Variants in CPM observed in about 807,000 individuals in gnomAD.
CPM encodes the protein renal carboxypeptidase.
CPM carries 35 observed loss-of-function variants against 46.4 expected under a neutral mutation model. The ratio of observed to expected loss-of-function variants is 0.75; its 90% CI spans 0.58 to 1.00. The LOEUF (loss-of-function observed/expected upper bound fraction) is 1.00, where lower values mean the gene tolerates loss of function less well. CPM is among the 50% of genes least tolerant of loss of function. CPM has a pLI of 0.00. For synonymous variants in CPM, 195 were observed against 195.3 expected (o/e 1.00, Z 0.01); for missense variants, 422 against 530.4 (o/e 0.80, Z 2.01).
intron 2 of CPM, 106 bp from the exon 3 acceptor site, chr12:68,885,995 C>T: frequency 5.7e-6 from 5 of 873,956 alleles, no homozygotes; most frequent in South Asian, 1.6e-5. Flanking sequence ...CACTTGATCG[C>T]CTGTTTCATG....
upstream of CPM, among the ~76,000 whole-genome samples, chr12:68,936,074 G>C (rs147266229): frequency 6.6e-6 from 1 of 152,094 alleles, no homozygotes; most frequent in African/African-American, 2.4e-5. Context: ...ATGGAGGTAG[G>C]GGGTACAGAG....
intron 2 of CPM, among the ~76,000 whole-genome samples, chr12:68,909,045 T>A (rs189793643): frequency 2.0e-5 from 3 of 152,296 alleles, no homozygotes; most frequent in African/African-American, 7.2e-5. Context: ...TCATTCTGAT[T>A]TTCAATCATG....
chr12:68,883,076 ATTCTG>A (rs1409521806), intron 3 of CPM, among the ~76,000 whole-genome samples: 3 of 152,190 alleles, frequency 2.0e-5, no homozygotes, highest in African/African-American at 7.2e-5. Context: ...AGTGTGGCCA[ATTCTG>A]TCCACCCTGC....
intron 2 of CPM, among the ~76,000 whole-genome samples, chr12:68,889,338 A>G (rs964504127): frequency 6.6e-6 from 1 of 152,200 alleles, no homozygotes; most frequent in Non-Finnish European, 1.5e-5. Flanking sequence ...TATTCAATCA[A>G]TTCTCTATTG....
intron 2 of CPM, among the ~76,000 whole-genome samples, chr12:68,906,392 A>T (rs571445924): frequency 1.3e-5 from 2 of 152,240 alleles, no homozygotes; most frequent in Non-Finnish European, 2.9e-5. Flanking sequence ...CTTCAGTGAA[A>T]TAACAATATA....
chr12:68,913,231 T>C (rs954428304), intron 2 of CPM, among the ~76,000 whole-genome samples: 3 of 152,192 alleles, frequency 2.0e-5, no homozygotes, highest in Non-Finnish European at 2.9e-5. Flanking sequence ...TTCTGCCCCC[T>C]ACTGTCCCCT....
intron 6 of CPM, among the ~76,000 whole-genome samples, chr12:68,867,913 G>C (rs574767701): frequency 6.6e-6 from 1 of 152,226 alleles, no homozygotes; most frequent in African/African-American, 2.4e-5. Flanking sequence ...CAAGCGTGGA[G>C]GGGGCAGTTC....
intron 2 of CPM, among the ~76,000 whole-genome samples, chr12:68,897,635 G>T (rs186989839): frequency 7.9e-5 from 12 of 151,782 alleles, no homozygotes; most frequent in Admixed American, 5.9e-4. Context: ...TACTCAGGAG[G>T]CTTGGGCAGG....
At chr12:68,842,369 C>T (rs1468469568) in intron 5 of CPM, 6 of 494,868 alleles carry the variant, frequency 1.2e-5, no homozygotes, top group South Asian at 7.7e-5. Context: ...AGGATGCAGA[C>T]ATGGCAGAGG....
At chr12:68,915,390 CA>C (rs1259925034) in intron 2 of CPM, among the ~76,000 whole-genome samples, 1 of 152,180 alleles carries the variant, frequency 6.6e-6, no homozygotes, top group Non-Finnish European at 1.5e-5. Context: ...CTTCTTGCAG[CA>C]CAGTCCCACC....
intron 2 of CPM, among the ~76,000 whole-genome samples, chr12:68,925,072 C>T (rs1470999146): frequency 6.6e-6 from 1 of 152,152 alleles, no homozygotes; most frequent in Non-Finnish European, 1.5e-5. Context: ...ATACTTACAA[C>T]ATAACAATGA....
At position 68,854,979 on chromosome 12, in the gene CPM, C is replaced by T. The variant is rs1314529521; in HGVS notation, c.*1458G>A. On this transcript the variant is annotated 3_prime_UTR_variant, in exon 9 of 9. Coordinates refer to ENST00000551568, the MANE Select transcript of CPM (RefSeq NM_198320.5). ...TCAAGCGATTCTCCTGCCTCAGCCTCCCCAGTAGCTGGGATTACAGGCATG... is the reference window on the plus strand; with the variant it reads ...TCAAGCGATTCTCCTGCCTCAGCCTTCCCAGTAGCTGGGATTACAGGCATG... 1.3e-5 allele frequency: 2 copies of T among 152,556 alleles called. No homozygotes were observed. Among genetic ancestry groups the T allele is most frequent in the African/African-American group, 2.4e-5 (1 of 41,414 alleles). The allele number at this position is 152,556 out of a possible 1,614,324, so 9.5% of individuals were successfully genotyped here. A position where few individuals can be genotyped will look rare whatever the true frequency, so the allele number is the denominator to read the frequency against.
upstream of CPM, among the ~76,000 whole-genome samples, chr12:68,935,004 G>T (rs534067190): frequency 2.6e-5 from 4 of 152,060 alleles, no homozygotes; most frequent in Admixed American, 2.6e-4. Context: ...CCTCCTCTCA[G>T]GTTCAAGCAA....
chr12:68,916,888 CAAAAAAAA>C (rs779418018), intron 2 of CPM, among the ~76,000 whole-genome samples: 6 of 82,152 alleles, frequency 7.3e-5, no homozygotes, highest in African/African-American at 2.2e-4. Flanking sequence ...ACTCTTGTCT[CAAAAAAAA>C]AAAAAAAAAA....
chr12:68,943,881 A>G (rs574404900), intron 1 of CPM, among the ~76,000 whole-genome samples: 1 of 149,436 alleles, frequency 6.7e-6, no homozygotes. Context: ...TTTTTTTTTT[A>G]AAAACTGTAT....
Position 68,856,337 on chromosome 12 carries a change from T to A in CPM, c.*100A>T. On this transcript the variant is annotated 3_prime_UTR_variant, in exon 9 of 9. Coordinates refer to ENST00000551568, the MANE Select transcript of CPM (RefSeq NM_198320.5). Reference sequence around the variant, plus strand: ...TTCTTCAGGAAGATCGTGGAGTTTCTCCAGTCAAGGTCCCACTAGAGTGAG... The same window carrying A: ...TTCTTCAGGAAGATCGTGGAGTTTCACCAGTCAAGGTCCCACTAGAGTGAG... 7.6e-7 allele frequency: 1 copy of A among 1,318,828 alleles called. No homozygotes were observed. Among genetic ancestry groups the A allele is most frequent in the Non-Finnish European group, 1.0e-6 (1 of 955,182 alleles). The allele number at this position is 1,318,828 out of a possible 1,614,324, so 81.7% of individuals were successfully genotyped here. A position where few individuals can be genotyped will look rare whatever the true frequency, so the allele number is the denominator to read the frequency against.
At chr12:68,931,770 A>G (rs994215664) in intron 2 of CPM, among the ~76,000 whole-genome samples, 20 of 145,058 alleles carry the variant, frequency 1.4e-4, no homozygotes, top group African/African-American at 5.2e-4. Flanking sequence ...AAAAAAAGAA[A>G]GAAAGAAAGA....
chr12:68,947,140 G>A (rs1038054067), intron 1 of CPM, among the ~76,000 whole-genome samples: 1 of 152,182 alleles, frequency 6.6e-6, no homozygotes, highest in Non-Finnish European at 1.5e-5. Context: ...GGTGCTCATT[G>A]AGTTGAAATG....
intron 2 of CPM, among the ~76,000 whole-genome samples, chr12:68,892,990 G>A (rs1426457418): frequency 6.6e-6 from 1 of 151,952 alleles, no homozygotes; most frequent in Non-Finnish European, 1.5e-5. Flanking sequence ...AGGGGAGGGA[G>A]AGCATTAGGA....
Sources: allele counts gnomAD v4.1 joint callset (sites outside exome capture counted in the v4.1 genomes callset), GRCh38; gene constraint gnomAD v4.1.1; transcripts MANE v1.5; gene names NCBI Gene and HGNC (gene_info 2026-07-23, HGNC 2026-07-21).